CERKL: variants seen among roughly 807,000 people sequenced by gnomAD.
CERKL encodes the protein CERK like autophagy regulator, also known as ceramide kinase-like protein.
Under a neutral mutation model 63.4 loss-of-function variants are expected in CERKL, and 61 were observed. That is an observed-to-expected ratio of 0.96 (90% CI 0.78 to 1.19). The LOEUF (loss-of-function observed/expected upper bound fraction) is 1.19. Among genes scored for constraint, CERKL ranks in the 50% most tolerant of loss-of-function variants. The pLI is 0.00. For synonymous variants in CERKL, 250 were observed against 230.5 expected (o/e 1.08, Z -0.77); for missense variants, 675 against 655.5 (o/e 1.03, Z -0.33).
At chr2:181,565,901 ATCAT>A (rs1688646221) in intron 4 of CERKL, among the ~76,000 whole-genome samples, 153 bp downstream of exon 4, 1 of 152,170 alleles carries the variant, frequency 6.6e-6, no homozygotes, top group Non-Finnish European at 1.5e-5. Flanking sequence ...ATGTCATATT[ATCAT>A]TAATTATTAT....
intron 12 of CERKL, 41 bp downstream of exon 12, chr2:181,539,051 G>T: frequency 1.6e-6 from 2 of 1,239,210 alleles, no homozygotes; most frequent in Non-Finnish European, 2.2e-6. Context: ...TTAGATTTAT[G>T]TTTACTGGTT....
At chr2:181,597,102 A>T (rs1559096561) in intron 2 of CERKL, among the ~76,000 whole-genome samples, 2 of 152,054 alleles carry the variant, frequency 1.3e-5, no homozygotes, top group Non-Finnish European at 2.9e-5. Flanking sequence ...CCTACAGTGA[A>T]TTTTTCCCAC....
intron 1 of CERKL, among the ~76,000 whole-genome samples, chr2:181,617,801 C>T (rs1209116157): frequency 6.6e-6 from 1 of 152,118 alleles, no homozygotes; most frequent in Admixed American, 6.5e-5. Context: ...TTATAACCAG[C>T]CTTTAAGAAA....
At chr2:181,637,725 A>G (rs144679423) in intron 1 of CERKL, among the ~76,000 whole-genome samples, 381 of 152,290 alleles carry the variant, frequency 2.5e-3, no homozygotes, top group Non-Finnish European at 4.4e-3. Flanking sequence ...TTGGAACCAT[A>G]TAAGTATTTC....
rs973201844 is a variant in CERKL, at chr2:181,550,786, AT to A, written c.821-1079del. Among the ~76,000 whole-genome samples the A allele has an allele frequency of 1.3e-5, 2 of 152,176 alleles. No homozygotes were observed. The highest frequency in any genetic ancestry group is 2.1e-4 in the South Asian group (1 of 4,832). On this transcript the variant is annotated intron_variant, in intron 5 of 12. Coordinates refer to ENST00000410087, the MANE Select transcript of CERKL (RefSeq NM_201548.5). The surrounding 1 kb of genome is among the most constrained non-coding windows in gnomAD (Gnocchi z 4.5). ...CAACCAAGAGGTCATTAATATCATAATTTTTTAGGTAACTAAGAATAAGCAT... is the reference window on the plus strand; with the variant it reads ...CAACCAAGAGGTCATTAATATCATAATTTTTAGGTAACTAAGAATAAGCAT...
chr2:181,537,285 A>G lies in CERKL; in HGVS notation c.*899T>C, dbSNP rs1687182059. The G allele has an allele frequency of 2.2e-6, 1 of 453,580 alleles. No homozygotes were observed. The highest frequency in any genetic ancestry group is 4.4e-6 in the Non-Finnish European group (1 of 226,528). 28.1% of individuals were successfully genotyped at this position (453,580 alleles called of 1,614,324 possible). A position where few individuals can be genotyped will look rare whatever the true frequency, so the allele number is the denominator to read the frequency against. On this transcript the variant is annotated 3_prime_UTR_variant, in exon 13 of 13. Coordinates refer to ENST00000410087, the MANE Select transcript of CERKL (RefSeq NM_201548.5). ...TCCTACTCAGAACTACTCAGAAACA[A>G]CTATATATTTCAGGTTATCTGAGCA...
intron 1 of CERKL, among the ~76,000 whole-genome samples, chr2:181,613,813 T>C (rs931760758): frequency 1.3e-5 from 2 of 152,210 alleles, no homozygotes; most frequent in Non-Finnish European, 2.9e-5. Context: ...ATATTAACCA[T>C]TTATGCTACA....
At chr2:181,551,717 G>T (rs1262250020) in intron 5 of CERKL, among the ~76,000 whole-genome samples, 3 of 152,018 alleles carry the variant, frequency 2.0e-5, no homozygotes, top group African/African-American at 7.2e-5. Context: ...AGATATCTGG[G>T]GGGTGGGACC....
At chr2:181,644,685 G>C (rs1463807027) in intron 1 of CERKL, among the ~76,000 whole-genome samples, 1 of 152,142 alleles carries the variant, frequency 6.6e-6, no homozygotes, top group Non-Finnish European at 1.5e-5. Context: ...ACCTCAAGGA[G>C]CTTAACATAT....
intron 5 of CERKL, among the ~76,000 whole-genome samples, chr2:181,553,137 C>G (rs1688058793): frequency 1.3e-5 from 2 of 152,162 alleles, no homozygotes; most frequent in African/African-American, 4.8e-5. Flanking sequence ...CAAGGTGAGT[C>G]TATGGACCCT....
intron 11 of CERKL, among the ~76,000 whole-genome samples, chr2:181,539,589 CAT>C (rs1385384905): frequency 1.3e-5 from 2 of 152,120 alleles, no homozygotes; most frequent in Non-Finnish European, 2.9e-5. Flanking sequence ...ATACAGAAGA[CAT>C]ATAATCCATT....
At chr2:181,615,871 A>G (rs1686170918) in intron 1 of CERKL, among the ~76,000 whole-genome samples, 1 of 152,340 alleles carries the variant, frequency 6.6e-6, no homozygotes, top group South Asian at 2.1e-4. Flanking sequence ...GAATTATGAC[A>G]TAACATTTAT....
chr2:181,629,633 C>CA (rs11290035), intron 1 of CERKL, among the ~76,000 whole-genome samples: 153 of 142,116 alleles, frequency 1.1e-3, no homozygotes, highest in Admixed American at 1.5e-3. Flanking sequence ...TAGTCATAGG[C>CA]AAAAAAAAAA....
At chr2:181,566,220 C>A in intron 3 of CERKL, 99 bp from the exon 4 acceptor site, 1 of 877,296 alleles carries the variant, frequency 1.1e-6, no homozygotes, top group South Asian at 1.4e-5. Flanking sequence ...AACATATGGT[C>A]AAGTCATAAA....
chr2:181,642,688 G>T (rs888185272), intron 1 of CERKL, among the ~76,000 whole-genome samples: 1 of 151,988 alleles, frequency 6.6e-6, no homozygotes, highest in Admixed American at 6.6e-5. Context: ...GTAAGTATAT[G>T]AAAAATAGAG....
intron 2 of CERKL, among the ~76,000 whole-genome samples, chr2:181,580,087 C>T (rs1315174265): frequency 6.6e-6 from 1 of 151,848 alleles, no homozygotes; most frequent in East Asian, 1.9e-4. Flanking sequence ...GTTTGTCTAG[C>T]TTAAAAACAT....
chr2:181,633,712 T>C (rs915967762), intron 1 of CERKL, among the ~76,000 whole-genome samples: 1 of 152,166 alleles, frequency 6.6e-6, no homozygotes, highest in East Asian at 1.9e-4. Context: ...GTCAAGATCA[T>C]GAAAAGCAAG....
chr2:181,548,006 T>G, intron 8 of CERKL, 159 bp from the exon 9 acceptor site: 1 of 683,762 alleles, frequency 1.5e-6, no homozygotes, highest in Non-Finnish European at 2.5e-6. Flanking sequence ...CGTACAATTT[T>G]GTTGCTGCCA....
At chr2:181,593,201 T>C (rs533611110) in intron 2 of CERKL, among the ~76,000 whole-genome samples, 1 of 152,276 alleles carries the variant, frequency 6.6e-6, no homozygotes, top group African/African-American at 2.4e-5. Context: ...AGATTATCCA[T>C]ATAAAAATTC....
Sources: gnomAD v4.1 joint callset for allele counts (sites outside exome capture counted in the v4.1 genomes callset) on GRCh38, gnomAD v4.1.1 for gene constraint, Gnocchi (gnomAD v3.1) non-coding constraint, MANE v1.5 for transcripts, NCBI Gene and HGNC (gene_info 2026-07-23, HGNC 2026-07-21) for gene names.